The following POR variants were observed in gnomAD, a reference collection of about 807,000 sequenced individuals.
POR encodes the protein cytochrome p450 oxidoreductase, also known as NADPH--cytochrome P450 reductase.
POR carries 56 observed loss-of-function variants against 84.0 expected under a neutral mutation model. That is an observed-to-expected ratio of 0.67 (90% CI 0.54 to 0.83). The LOEUF (loss-of-function observed/expected upper bound fraction) is 0.83, where lower values mean the gene tolerates loss of function less well. Ranked by LOEUF, POR falls within the 40% of genes least tolerant of loss-of-function variation. The probability of loss-of-function intolerance (pLI) is 0.00; values close to 1 mark genes in which losing one functional copy is unlikely to be tolerated. For missense variants in POR, 938 were observed against 944.3 expected (o/e 0.99, Z 0.09); for synonymous variants, 414 against 400.5 (o/e 1.03, Z -0.40).
At chr7:75,967,119 C>T (rs184173753) in intron 2 of POR, among the ~76,000 whole-genome samples, 8 of 152,296 alleles carry the variant, frequency 5.3e-5, no homozygotes, top group African/African-American at 1.2e-4. Flanking sequence ...GGATCACAGA[C>T]GCACACCTCT....
At chr7:75,931,177 CA>C (rs1196177341) in intron 1 of POR, among the ~76,000 whole-genome samples, 1 of 152,020 alleles carries the variant, frequency 6.6e-6, no homozygotes, top group Non-Finnish European at 1.5e-5. Flanking sequence ...ATCCATCACC[CA>C]TTGAATGGAT....
intron 1 of POR, among the ~76,000 whole-genome samples, chr7:75,936,849 C>T (rs560282809): frequency 1.4e-5 from 2 of 138,816 alleles, no homozygotes; most frequent in Non-Finnish European, 3.1e-5. Flanking sequence ...TTTTTTGAGA[C>T]CGAGTCCTGC....
In POR at chr7:75,925,329, GA is replaced by G. The variant is rs200096738; in HGVS notation, c.-5+10151del. 9.4e-3 allele frequency among the ~76,000 whole-genome samples: 1,436 copies of G among 152,244 alleles called. 25 individuals carry two copies. Among genetic ancestry groups the G allele is most frequent in the African/African-American group, 0.03 (1,251 of 41,546 alleles). ...TTGAGACCAGCCTGGGCAAGAGAGA[GA>G]GAGAGAGACCCTGTCCCTTCAACAA... On this transcript the variant is annotated intron_variant, in intron 1 of 15. Transcript: ENST00000461988.
rs55909219 is a variant in POR at position 75,986,557 on chromosome 7, G to A, written c.*76G>A. On this transcript the variant is annotated 3_prime_UTR_variant, in exon 16 of 16. Transcript: ENST00000461988. ...CCTGGCTCCCTCCCGTAGTCTCCTG[G>A]GTGTGTTTGGCTTGGCCTTGGCATG... 885 of 1,530,446 alleles carry A rather than the reference G, an allele frequency of 5.8e-4. 6 individuals are homozygous for A. In the Middle Eastern group the frequency reaches 0.014, roughly 24 times the overall value. 94.8% of individuals were successfully genotyped at this position (1,530,446 alleles called of 1,614,324 possible).
At chr7:75,955,288 G>T (rs1787635108) in intron 2 of POR, among the ~76,000 whole-genome samples, 1 of 152,202 alleles carries the variant, frequency 6.6e-6, no homozygotes, top group Non-Finnish European at 1.5e-5. Flanking sequence ...GAAAAAGATG[G>T]ATTAGTTAAA....
At chr7:75,937,856 T>G (rs914893803) in intron 1 of POR, among the ~76,000 whole-genome samples, 4 of 152,196 alleles carry the variant, frequency 2.6e-5, no homozygotes, top group Non-Finnish European at 5.9e-5. Flanking sequence ...TGGAGAGTTT[T>G]GTGCCTGTAA....
intron 2 of POR, among the ~76,000 whole-genome samples, chr7:75,964,205 G>T (rs1554554886): frequency 6.6e-6 from 1 of 151,852 alleles, no homozygotes; most frequent in African/African-American, 2.4e-5. Context: ...TCACCATGTT[G>T]ACCGGGCTGG....
intron 2 of POR, among the ~76,000 whole-genome samples, chr7:75,958,870 A>G (rs1385860705): frequency 2.0e-5 from 3 of 152,148 alleles, no homozygotes; most frequent in African/African-American, 7.2e-5. Context: ...ATTTACCGAC[A>G]AGGAGAGTAT....
Position 75,986,710 on chromosome 7 carries a change from C to T in POR, c.*229C>T. ...CTGCATGGGGGCACCGGGCTCCATGCCTCTGGAGGCCTCTGGCCCTCGGTG... is the reference window on the plus strand; with the variant it reads ...CTGCATGGGGGCACCGGGCTCCATGTCTCTGGAGGCCTCTGGCCCTCGGTG... On this transcript the variant is annotated 3_prime_UTR_variant, in exon 16 of 16. Transcript: ENST00000461988. 3 of 604,146 alleles carry T rather than the reference C, an allele frequency of 5.0e-6. No individual in the cohort carries two copies. Among genetic ancestry groups the T allele is most frequent in the South Asian group, 4.1e-5 (2 of 48,560 alleles). 37.4% of individuals were successfully genotyped at this position (604,146 alleles called of 1,614,324 possible).
chr7:75,982,057 C>T (rs41299508), intron 7 of POR, 167 bp from the exon 8 acceptor site: 321 of 635,416 alleles, frequency 5.1e-4, no homozygotes, highest in African/African-American at 4.1e-3. Context: ...CTTGCTCCCT[C>T]GCCTGCCCTC....
intron 6 of POR, 125 bp from the exon 7 acceptor site, chr7:75,981,392 G>T: frequency 8.4e-7 from 1 of 1,186,736 alleles, no homozygotes; most frequent in Non-Finnish European, 1.2e-6. Context: ...TTATGTCGCT[G>T]GGTGCCCCAG....
At chr7:75,938,394 C>T (rs1378797578) in intron 1 of POR, among the ~76,000 whole-genome samples, 1 of 152,172 alleles carries the variant, frequency 6.6e-6, no homozygotes, top group Non-Finnish European at 1.5e-5. Context: ...CACCAGCTTC[C>T]CCAGGGCCAA....
At chr7:75,968,748 C>T (rs988675948) in intron 2 of POR, among the ~76,000 whole-genome samples, 2 of 152,218 alleles carry the variant, frequency 1.3e-5, no homozygotes, top group Non-Finnish European at 2.9e-5. Flanking sequence ...CTGGGTGAAC[C>T]CTAGCCTTGG....
At chr7:75,930,528 G>GA (rs1179807012) in intron 1 of POR, among the ~76,000 whole-genome samples, 1 of 152,042 alleles carries the variant, frequency 6.6e-6, no homozygotes, top group Non-Finnish European at 1.5e-5. Context: ...CAAGGAAATA[G>GA]AAAACGTTTA....
intron 6 of POR, among the ~76,000 whole-genome samples, 168 bp from the exon 7 acceptor site, chr7:75,981,349 C>T (rs1450139984): frequency 6.6e-6 from 1 of 152,204 alleles, no homozygotes; most frequent in Non-Finnish European, 1.5e-5. Flanking sequence ...TTCGGCTTGC[C>T]CAACTCCCTG....
intron 1 of POR, among the ~76,000 whole-genome samples, chr7:75,930,346 G>C (rs542761726): frequency 5.3e-5 from 8 of 152,156 alleles, no homozygotes; most frequent in Non-Finnish European, 1.2e-4. Flanking sequence ...GCCAGGCGTA[G>C]TGGTGTGCAC....
intron 1 of POR, among the ~76,000 whole-genome samples, chr7:75,932,421 A>G (rs530824694): frequency 4.6e-5 from 7 of 152,222 alleles, no homozygotes; most frequent in African/African-American, 1.7e-4. Flanking sequence ...AGCTTAAGCA[A>G]TCTGCCTGCC....
intron 11 of POR, 40 bp from the exon 12 acceptor site, chr7:75,985,018 T>G (rs1164082390): frequency 6.3e-7 from 1 of 1,582,398 alleles, no homozygotes; most frequent in African/African-American, 1.3e-5. Flanking sequence ...CCGAGCTCCG[T>G]GGGCCCCAAT....
At chr7:75,980,610 A>G in intron 5 of POR, 122 bp downstream of exon 5, 5 of 1,597,818 alleles carry the variant, frequency 3.1e-6, no homozygotes, top group Non-Finnish European at 4.3e-6. Flanking sequence ...CAGCCAGGGC[A>G]GGCCACTTGT....
Sources: gnomAD v4.1 joint callset for allele counts (sites outside exome capture counted in the v4.1 genomes callset) on GRCh38, gnomAD v4.1.1 for gene constraint, MANE v1.5 for transcripts, NCBI Gene and HGNC (gene_info 2026-07-23, HGNC 2026-07-21) for gene names.